The following ITGA1 variants were observed in gnomAD, a reference collection of about 807,000 sequenced individuals.
ITGA1 encodes integrin subunit alpha 1.
A neutral mutation model predicts 145.9 loss-of-function variants in ITGA1; 85 were observed. The observed-to-expected ratio is 0.58, with a 90% CI of 0.49 to 0.70. The LOEUF (loss-of-function observed/expected upper bound fraction) is 0.70. ITGA1 is among the 30% of genes least tolerant of loss of function. ITGA1 has a pLI of 0.00. For synonymous variants in ITGA1, 520 were observed against 495.3 expected, an observed-to-expected ratio of 1.05 and a Z score of -0.66; for missense variants, 1,351 against 1,418.7, an observed-to-expected ratio of 0.95 and a Z score of 0.77.
At chr5:52,927,748 G>A (rs1434984287) in intron 20 of ITGA1, 84 bp downstream of exon 20, 1 of 896,120 alleles carries the variant, frequency 1.1e-6, no homozygotes, top group African/African-American at 1.7e-5. Flanking sequence ...CCTTCCAATG[G>A]TAGTTTAGGA....
rs138403626 is a variant in ITGA1, at chr5:52,917,478, CT to C, written c.1989-1246del. ...TAAATTTACCACTATACTCAGAAAC[CT>C]TTTTTTTAAATTAAGCTAAATATCC... On this transcript the variant is annotated intron_variant, in intron 15 of 28. Transcript: ENST00000282588. 2.7e-5 allele frequency among the ~76,000 whole-genome samples: 4 copies of C among 150,666 alleles called. No individual in the cohort carries two copies. The East Asian group carries it at 5.9e-4, about 22-fold the overall frequency.
intron 2 of ITGA1, among the ~76,000 whole-genome samples, chr5:52,857,680 G>T (rs558986750): frequency 2.8e-4 from 43 of 152,142 alleles, no homozygotes; most frequent in African/African-American, 1.0e-3. Flanking sequence ...TTTGCTCATT[G>T]AAACCTTAAG....
intron 12 of ITGA1, among the ~76,000 whole-genome samples, chr5:52,907,450 A>G (rs1337798558): frequency 6.6e-6 from 1 of 152,218 alleles, no homozygotes; most frequent in African/African-American, 2.4e-5. Context: ...CAAGACAAGA[A>G]GTGTCAAATT....
At chr5:52,844,318 A>G (rs1749301526) in intron 1 of ITGA1, among the ~76,000 whole-genome samples, 1 of 152,140 alleles carries the variant, frequency 6.6e-6, no homozygotes, top group Non-Finnish European at 1.5e-5. Context: ...GCCCATTGCT[A>G]TTGTAGAAAA....
chr5:52,935,485 G>A (rs1313788212), intron 23 of ITGA1, among the ~76,000 whole-genome samples: 2 of 152,140 alleles, frequency 1.3e-5, no homozygotes, highest in Admixed American at 1.3e-4. Flanking sequence ...ACATTTTGGA[G>A]TAAGAAACCA....
At chr5:52,897,315 G>C (rs73108322) in intron 9 of ITGA1, 140 bp from the exon 10 acceptor site, 2 of 621,658 alleles carry the variant, frequency 3.2e-6, no homozygotes, top group African/African-American at 3.7e-5. Context: ...GTTGAGAAAT[G>C]TATGGCTGAA....
chr5:52,841,967 C>T (rs1296421796), intron 1 of ITGA1, among the ~76,000 whole-genome samples: 3 of 152,092 alleles, frequency 2.0e-5, no homozygotes, highest in Admixed American at 2.0e-4. Context: ...TCCAGCTCTT[C>T]ATTATAGAGC....
At chr5:52,921,902 A>G (rs990159444) in intron 17 of ITGA1, among the ~76,000 whole-genome samples, 4 of 152,210 alleles carry the variant, frequency 2.6e-5, no homozygotes, top group African/African-American at 4.8e-5. Context: ...AATTTGCAAT[A>G]ATGTATATAA....
intron 2 of ITGA1, among the ~76,000 whole-genome samples, chr5:52,851,055 T>C (rs1160180767): frequency 6.6e-6 from 1 of 152,238 alleles, no homozygotes; most frequent in African/African-American, 2.4e-5. Context: ...TAATTACTAA[T>C]AGTTACACAA....
intron 1 of ITGA1, among the ~76,000 whole-genome samples, chr5:52,835,293 C>T (rs1749145965): frequency 6.6e-6 from 1 of 152,140 alleles, no homozygotes; most frequent in African/African-American, 2.4e-5. Flanking sequence ...CCCAGTCTAA[C>T]AGGAGACTAG....
chr5:52,855,301 T>G lies in ITGA1; in HGVS notation c.182+5816T>G, dbSNP rs968132470. Among the ~76,000 whole-genome samples, 3 of 152,172 alleles carry G rather than the reference T, an allele frequency of 2.0e-5. No individual in the cohort carries two copies. The East Asian group carries it at 5.8e-4, about 29-fold the overall frequency. ...ATGCCTCTGGTGTCACTCAAAGGCA[T>G]GTATAGCATCCCACTTAAGCTGAAT... is the stretch of plus-strand genomic sequence containing the variant. On this transcript the variant is annotated intron_variant, in intron 2 of 28. Coordinates refer to ENST00000282588, the MANE Select transcript of ITGA1 (RefSeq NM_181501.2).
At chr5:52,945,091 A>G in intron 27 of ITGA1, 56 bp downstream of exon 27, 1 of 1,276,020 alleles carries the variant, frequency 7.8e-7, no homozygotes, top group Non-Finnish European at 1.1e-6. Flanking sequence ...ATTTTGTGAC[A>G]TAATGTTTTA....
At chr5:52,860,299 G>A (rs1014802685) in intron 2 of ITGA1, among the ~76,000 whole-genome samples, 31 of 152,170 alleles carry the variant, frequency 2.0e-4, no homozygotes, top group African/African-American at 7.0e-4. Context: ...TGTAATCCCA[G>A]CACTTTGGGA....
In ITGA1 at chr5:52,910,247, A is replaced by G. The variant is rs775687989; in HGVS notation, c.1685A>G (p.Asn562Ser). 5.6e-6 allele frequency: 9 copies of G among 1,613,970 alleles called. No individual in the cohort carries two copies. In the South Asian group the frequency reaches 7.7e-5, roughly 14 times the overall value. ...SRQHNSCTTENKNEPCGARFG... is the reference protein window; with the variant it reads ...SRQHNSCTTESKNEPCGARFG... Reference sequence around the variant, plus strand: ...CAGCACAATTCATGCACAACAGAAAACAAAAATGAGCCATGCGGGGCTCGT... The same window carrying G: ...CAGCACAATTCATGCACAACAGAAAGCAAAAATGAGCCATGCGGGGCTCGT... The change falls in exon 14 of 29, where the codon AAC becomes AGC. Residue 562 changes from asparagine (N) to serine (S), a missense_variant. By Grantham distance (46) the Asn-to-Ser change is conservative. Coordinates refer to ENST00000282588, the MANE Select transcript of ITGA1 (RefSeq NM_181501.2).
chr5:52,840,876 A>G (rs1749244618), intron 1 of ITGA1, among the ~76,000 whole-genome samples: 1 of 152,198 alleles, frequency 6.6e-6, no homozygotes, highest in Non-Finnish European at 1.5e-5. Flanking sequence ...TGTATTAAAC[A>G]GCTACTTTGT....
intron 2 of ITGA1, among the ~76,000 whole-genome samples, chr5:52,853,592 C>T (rs1749460544): frequency 6.6e-6 from 1 of 152,150 alleles, no homozygotes; most frequent in African/African-American, 2.4e-5. Context: ...ATTTGAAAAA[C>T]ATAGCTTTAA....
intron 17 of ITGA1, among the ~76,000 whole-genome samples, chr5:52,921,154 CT>C (rs1750725184): frequency 6.6e-6 from 1 of 151,930 alleles, no homozygotes. Context: ...TAAACATTTT[CT>C]TAAAATGTAC....
At chr5:52,869,455 C>T (rs1749743299) in intron 6 of ITGA1, among the ~76,000 whole-genome samples, 1 of 152,190 alleles carries the variant, frequency 6.6e-6, no homozygotes, top group Non-Finnish European at 1.5e-5. Context: ...GCCACTGTGC[C>T]TGGCCCCATA....
At chr5:52,914,894 C>G (rs751013295) in intron 14 of ITGA1, among the ~76,000 whole-genome samples, 1 of 152,174 alleles carries the variant, frequency 6.6e-6, no homozygotes, top group Non-Finnish European at 1.5e-5. Flanking sequence ...TCATTTGTGC[C>G]ATCTCAACGT....
Sources: allele counts gnomAD v4.1 joint callset (sites outside exome capture counted in the v4.1 genomes callset), GRCh38; gene constraint gnomAD v4.1.1; transcripts MANE v1.5; gene names NCBI Gene and HGNC (gene_info 2026-07-23, HGNC 2026-07-21).